ADAMTSL4: variants seen among roughly 807,000 people sequenced by gnomAD.
ADAMTSL4 encodes ADAMTS like 4, also known as ADAMTS-like protein 4.
Under a neutral mutation model 122.8 loss-of-function variants are expected in ADAMTSL4, and 97 were observed. The ratio of observed to expected loss-of-function variants is 0.79; its 90% CI spans 0.67 to 0.93. The LOEUF is 0.93. ADAMTSL4 is among the 40% of genes least tolerant of loss of function. ADAMTSL4 has a pLI of 0.00. For missense variants in ADAMTSL4, 1,408 were observed against 1,453.5 expected (o/e 0.97, Z 0.51); for synonymous variants, 592 against 568.0 (o/e 1.04, Z -0.60).
chr1:150,555,469 T>G lies in ADAMTSL4; in HGVS notation c.1275T>G (p.Arg425=). 1.9e-6 allele frequency: 3 copies of G among 1,614,160 alleles called. No individual in the cohort carries two copies. Among genetic ancestry groups the G allele is most frequent in the Non-Finnish European group, 2.5e-6 (3 of 1,180,010 alleles). The change falls in exon 8 of 19, where the codon CGT becomes CGG. Residue 425 remains arginine, a synonymous_variant. Coordinates refer to ENST00000271643, the MANE Select transcript of ADAMTSL4 (RefSeq NM_019032.6). ...SQRCELNCRP[R]GFRFYVRHTE... ...GCTGTGAACTGAACTGCCGGCCCCG[T>G]GGCTTCCGCTTCTATGTCCGTCACA...
chr1:150,557,795 GC>G (rs1560300221), intron 13 of ADAMTSL4, 149 bp from the exon 14 acceptor site: 4 of 1,096,738 alleles, frequency 3.6e-6, no homozygotes, highest in Non-Finnish European at 3.7e-6. Flanking sequence ...GGCAGGCTGA[GC>G]CCCCCAGGAA....
rs960091241 is a variant in ADAMTSL4, at chr1:150,556,664, G to A, written c.1620G>A (p.Trp540Ter). Residue 540 changes from tryptophan (W) to a stop codon, truncating the protein, a stop_gained, in exon 10 of 19, where the codon TGG (tryptophan) becomes TGA (stop). Coordinates refer to ENST00000271643, the MANE Select transcript of ADAMTSL4 (RefSeq NM_019032.6). LOFTEE classifies it high-confidence loss of function. This position sits in a 1 kb window ranked among gnomAD's most constrained non-coding sequence, Gnocchi z 4.1. The stretch of plus-strand genomic sequence containing the variant: ...GCCGGTCCATCATCAATGGGAACTG[G>A]GCTGTGGATCCCCCTGGGTCCTACA... ...PGGRSIINGN[W>*]AVDPPGSYRA... 10 of 1,613,940 alleles carry A rather than the reference G, an allele frequency of 6.2e-6. No individual in the cohort carries two copies. The African/African-American group carries it at 1.3e-4, about 22-fold the overall frequency.
At chr1:150,557,718 C>A in intron 13 of ADAMTSL4, 95 bp downstream of exon 13, 1 of 1,423,636 alleles carries the variant, frequency 7.0e-7, no homozygotes, top group East Asian at 2.5e-5. Flanking sequence ...AACGCAACAT[C>A]TCCTGGCTGC....
In ADAMTSL4 at chr1:150,556,849, G is replaced by A; in HGVS notation, c.1749+56G>A. 1.2e-6 allele frequency: 2 copies of A among 1,613,212 alleles called. No homozygotes were observed. The highest frequency in any genetic ancestry group is 1.7e-6 in the Non-Finnish European group (2 of 1,179,268). ...TGGGGAGGGAGGCTGTTCCCTCTGG[G>A]CAGAGCTGTGGTTGTCAAGATGGGA... On this transcript the variant is annotated intron_variant, in intron 10 of 18. Coordinates refer to ENST00000271643, the MANE Select transcript of ADAMTSL4 (RefSeq NM_019032.6). This position sits in a 1 kb window ranked among gnomAD's most constrained non-coding sequence, Gnocchi z 4.1.
chr1:150,560,229 GCCA>G lies in ADAMTSL4; in HGVS notation c.*37_*39del. 1 of 1,612,882 alleles carries G rather than the reference GCCA, an allele frequency of 6.2e-7. No individual in the cohort carries two copies. Among genetic ancestry groups the G allele is most frequent in the Non-Finnish European group, 8.5e-7 (1 of 1,179,510 alleles). On this transcript the variant is annotated 3_prime_UTR_variant, in exon 19 of 19. Transcript: ENST00000271643. ...CCGGGGCACCTTCACGGTTTTCTGT[GCCA>G]CCATCGGTCACCCATTGATCGGCCC...
Position 150,559,551 on chromosome 1 carries a change from C to G in ADAMTSL4, c.2943+85C>G. On this transcript the variant is annotated intron_variant, in intron 17 of 18. Coordinates refer to ENST00000271643, the MANE Select transcript of ADAMTSL4 (RefSeq NM_019032.6). The surrounding 1 kb of genome is among the most constrained non-coding windows in gnomAD (Gnocchi z 4.1). ...TCCTCTCGCTGTACCCCCTCCAGGT[C>G]TCTCTGTGCCCCAGAATAAGCCCAG... 6.3e-7 allele frequency: 1 copy of G among 1,586,136 alleles called. No individual in the cohort carries two copies. Among genetic ancestry groups the G allele is most frequent in the Non-Finnish European group, 8.6e-7 (1 of 1,164,966 alleles).
rs113919442 is a variant in ADAMTSL4, at chr1:150,557,063, C to T, written c.1861+13C>T. The T allele has an allele frequency of 8.4e-4, 1,356 of 1,612,852 alleles. 10 individuals are homozygous for T. In the African/African-American group the frequency reaches 0.015, roughly 17 times the overall value. ...CAGCTTCAGCCGGGTAAGACTCTGA[C>T]CCCTGCACTTGGAAGGAGGAGGGAG... On this transcript the variant is annotated intron_variant, in intron 11 of 18. Transcript: ENST00000271643.
Position 150,553,492 on chromosome 1 carries a change from A to G in ADAMTSL4, c.501A>G (p.Pro167=). ...ATGGGAGAGTGCCCTTTGCATTGCC[A>G]CTGCACCGGAACCGCAGGCACCCTC... The part of the protein sequence containing the change: ...FGYGRVPFAL[P]LHRNRRHPRS... Residue 167 remains proline (P), a synonymous_variant, in exon 6 of 19, where the codon CCA becomes CCG. Transcript: ENST00000271643. 6.2e-7 allele frequency: 1 copy of G among 1,613,642 alleles called. No homozygotes were observed. The highest frequency in any genetic ancestry group is 8.5e-7 in the Non-Finnish European group (1 of 1,179,900).
At position 150,552,943 on chromosome 1, in the gene ADAMTSL4, G is replaced by C; in HGVS notation, c.124G>C (p.Gly42Arg). The C allele has an allele frequency of 6.2e-7, 1 of 1,613,072 alleles. No homozygotes were observed. Among genetic ancestry groups the C allele is most frequent in the South Asian group, 1.1e-5 (1 of 91,082 alleles). Residue 42 changes from glycine to arginine, a missense_variant, in exon 5 of 19, where the codon GGC (glycine) becomes CGC (arginine). Coordinates refer to ENST00000271643, the MANE Select transcript of ADAMTSL4 (RefSeq NM_019032.6). The surrounding 1 kb of genome is among the most constrained non-coding windows in gnomAD (Gnocchi z 4.0). ...TCAGACACCTACAGAGGAGGGCCAG[G>C]GCCCCGAAGGTGTCTGGGGACCTTG... ...SLQTPTEEGQ[G>R]PEGVWGPWVQ...
Position 150,555,529 on chromosome 1 carries a change from T to C in ADAMTSL4, c.1335T>C (p.Pro445=), listed in dbSNP as rs753968463. The C allele has an allele frequency of 4.3e-6, 7 of 1,614,034 alleles. No individual in the cohort carries two copies. In the South Asian group the frequency reaches 4.4e-5, roughly 10 times the overall value. ...EKVQDGTLCQ[P]GAPDICVAGR... is the part of the protein sequence containing the mutation. ...TCCAGGATGGGACCCTGTGTCAGCC[T>C]GGAGCCCCTGACATCTGTGTGGCTG... Residue 445 remains proline (P), a synonymous_variant, in exon 8 of 19, where the codon CCT becomes CCC. Transcript: ENST00000271643.
chr1:150,560,231 C>A lies in ADAMTSL4; in HGVS notation c.*35C>A. On this transcript the variant is annotated 3_prime_UTR_variant, in exon 19 of 19. Coordinates refer to ENST00000271643, the MANE Select transcript of ADAMTSL4 (RefSeq NM_019032.6). ...GGGGCACCTTCACGGTTTTCTGTGC[C>A]ACCATCGGTCACCCATTGATCGGCC... 6.2e-7 allele frequency: 1 copy of A among 1,612,712 alleles called. No homozygotes were observed.
intron 13 of ADAMTSL4, 126 bp downstream of exon 13, chr1:150,557,749 G>A (rs1189717189): frequency 7.3e-7 from 1 of 1,363,400 alleles, no homozygotes; most frequent in Non-Finnish European, 9.9e-7. Flanking sequence ...CATTAGATTA[G>A]AAAGGCAGAC....
chr1:150,553,065 G>A lies in ADAMTSL4; in HGVS notation c.246G>A (p.Leu82=), dbSNP rs764670992. 1.2e-6 allele frequency: 2 copies of A among 1,613,358 alleles called. No homozygotes were observed. Among genetic ancestry groups the A allele is most frequent in the East Asian group, 4.5e-5 (2 of 44,854 alleles). The stretch of plus-strand genomic sequence containing the variant: ...CTACAGTGCAGCTCCACCCGAGTCT[G>A]CCCCTCCCTCCCCGGCCCCCAAGAC... ...QLPTVQLHPS[L]PLPPRPPRHP... Residue 82 remains leucine (L), a synonymous_variant, in exon 5 of 19, where the codon CTG becomes CTA. Coordinates refer to ENST00000271643, the MANE Select transcript of ADAMTSL4 (RefSeq NM_019032.6).
In ADAMTSL4 at chr1:150,560,568, T is replaced by TA; in HGVS notation, c.*373dup. 1 of 300,232 alleles carries TA rather than the reference T, an allele frequency of 3.3e-6. No individual in the cohort carries two copies. Among genetic ancestry groups the TA allele is most frequent in the South Asian group, 3.6e-5 (1 of 27,398 alleles). The allele number at this position is 300,232 out of a possible 1,614,324, so 18.6% of individuals were successfully genotyped here. A position where few individuals can be genotyped will look rare whatever the true frequency, so the allele number is the denominator to read the frequency against. The stretch of plus-strand genomic sequence containing the variant: ...CAGTTCCTTGCTAATCTGAGCTACT[T>TA]AGAGTGTGGTCTCCCCACCAACTCC... On this transcript the variant is annotated 3_prime_UTR_variant, in exon 19 of 19. Coordinates refer to ENST00000271643, the MANE Select transcript of ADAMTSL4 (RefSeq NM_019032.6).
At position 150,554,676 on chromosome 1, in the gene ADAMTSL4, T is replaced by C; in HGVS notation, c.1234+209T>C. 1 of 1,533,548 alleles carries C rather than the reference T, an allele frequency of 6.5e-7. No individual in the cohort carries two copies. Among genetic ancestry groups the C allele is most frequent in the Non-Finnish European group, 8.7e-7 (1 of 1,144,640 alleles). 95.0% of individuals were successfully genotyped at this position (1,533,548 alleles called of 1,614,324 possible). A position where few individuals can be genotyped will look rare whatever the true frequency, so the allele number is the denominator to read the frequency against. ...AGGGTCGGGGTGGGAGGAGGAGGTG[T>C]GGGAGACACGCTTTGTCCGGACTCC... On this transcript the variant is annotated intron_variant, in intron 7 of 18. Transcript: ENST00000271643. The surrounding 1 kb of genome is among the most constrained non-coding windows in gnomAD (Gnocchi z 4.0).
chr1:150,556,277 G>C lies in ADAMTSL4; in HGVS notation c.1487G>C (p.Gly496Ala), dbSNP rs756970776. 5.0e-6 allele frequency: 8 copies of C among 1,614,158 alleles called. No individual in the cohort carries two copies. Among genetic ancestry groups the C allele is most frequent in the Non-Finnish European group, 5.9e-6 (7 of 1,180,026 alleles). Reference sequence around the variant, plus strand: ...TCGGGGAACCTCACTGACCGAGGGGGCCCCCTGGGCTATCAGAAGATCTTG... The same window carrying C: ...TCGGGGAACCTCACTGACCGAGGGGCCCCCCTGGGCTATCAGAAGATCTTG... ...LVSGNLTDRG[G>A]PLGYQKILWI... Residue 496 changes from glycine to alanine, a missense_variant, in exon 9 of 19, where the codon GGC (glycine) becomes GCC (alanine). Physicochemically the swap from Gly to Ala is moderately conservative, Grantham distance 60. Coordinates refer to ENST00000271643, the MANE Select transcript of ADAMTSL4 (RefSeq NM_019032.6). This position sits in a 1 kb window ranked among gnomAD's most constrained non-coding sequence, Gnocchi z 4.1.
At position 150,553,806 on chromosome 1, in the gene ADAMTSL4, G is replaced by A; in HGVS notation, c.815G>A (p.Gly272Asp). The A allele has an allele frequency of 3.1e-6, 5 of 1,613,906 alleles. No homozygotes were observed. The highest frequency in any genetic ancestry group is 1.6e-4 in the Middle Eastern group (1 of 6,084). The change falls in exon 6 of 19, where the codon GGT becomes GAT. Residue 272 changes from glycine to aspartate, a missense_variant. Gly to Asp is a moderately conservative substitution (Grantham distance 94, BLOSUM62 -1). Transcript: ENST00000271643. Reference sequence around the variant, plus strand: ...TCACCCACGCACTCCTTAGGAGAAGGTGGCTTCTTCCGTGCATCCCCTCAG... The same window carrying A: ...TCACCCACGCACTCCTTAGGAGAAGATGGCTTCTTCCGTGCATCCCCTCAG... Reference protein sequence around the residue: ...PPSPTHSLGEGGFFRASPQPR... With the variant: ...PPSPTHSLGEDGFFRASPQPR...
intron 2 of ADAMTSL4, chr1:150,550,139 C>T (rs1671245741): frequency 4.5e-6 from 2 of 439,666 alleles, no homozygotes; most frequent in African/African-American, 4.0e-5. Flanking sequence ...CTTCACTGGG[C>T]AGTGTGGAGA....
intron 5 of ADAMTSL4, 83 bp downstream of exon 5, chr1:150,553,336 A>G (rs1195924179): frequency 2.2e-5 from 36 of 1,605,334 alleles, no homozygotes; most frequent in Non-Finnish European, 3.1e-5. Flanking sequence ...GTGGCTTCAG[A>G]GGGCTTGTCT....
Sources: gnomAD v4.1 joint callset for allele counts on GRCh38, gnomAD v4.1.1 for gene constraint, Gnocchi (gnomAD v3.1) non-coding constraint, MANE v1.5 for transcripts, NCBI Gene and HGNC (gene_info 2026-07-23, HGNC 2026-07-21) for gene names.